The following TBC1D8 variants were observed in gnomAD, a reference collection of about 807,000 sequenced individuals.
The protein encoded by TBC1D8 is BUB2-like protein 1.
TBC1D8 carries 65 observed loss-of-function variants against 118.8 expected under a neutral mutation model. That is an observed-to-expected ratio of 0.55 (90% CI 0.45 to 0.67). The LOEUF is 0.67. TBC1D8 is among the 30% of genes least tolerant of loss of function. TBC1D8 has a pLI of 0.00. For missense variants in TBC1D8, 1,376 were observed against 1,471.2 expected (o/e 0.94, Z 1.06); for synonymous variants, 566 against 595.8 (o/e 0.95, Z 0.73).
At chr2:101,112,904 T>G (rs1240385468) in intron 1 of TBC1D8, among the ~76,000 whole-genome samples, 1 of 152,176 alleles carries the variant, frequency 6.6e-6, no homozygotes, top group Non-Finnish European at 1.5e-5. Flanking sequence ...AAAAGAACCC[T>G]TGCTGAAACA....
intron 10 of TBC1D8, 167 bp downstream of exon 10, chr2:101,033,377 C>T (rs768148929): frequency 2.5e-6 from 2 of 793,936 alleles, no homozygotes. Flanking sequence ...GATGAGTAGT[C>T]CCTTTGGCCC....
intron 3 of TBC1D8, 135 bp downstream of exon 3, chr2:101,059,286 G>T: frequency 2.5e-4 from 120 of 482,482 alleles, no homozygotes; most frequent in East Asian, 5.4e-4. Context: ...GGTGATAAAT[G>T]AAACTTATTT....
At position 101,103,293 on chromosome 2, in the gene TBC1D8, C is replaced by CA. The variant is rs919568438; in HGVS notation, c.128-12930dup. On this transcript the variant is annotated intron_variant, in intron 1 of 19. Transcript: ENST00000409318. ...TCAATTGATACACAAAAAATGTTGACAAAATCCAACATCCATTCATGATTT... is the reference window on the plus strand; with the variant it reads ...TCAATTGATACACAAAAAATGTTGACAAAAATCCAACATCCATTCATGATTT... Among the ~76,000 whole-genome samples the CA allele has an allele frequency of 3.6e-4, 32 of 89,426 alleles. 1 individual carries two copies. The highest frequency in any genetic ancestry group is 1.3e-4 in the Admixed American group (1 of 7,450). The allele number at this position is 89,426 out of a possible 152,430, so 58.7% of individuals were successfully genotyped here.
chr2:101,019,528 A>G (rs981809258), intron 17 of TBC1D8: 6 of 153,012 alleles, frequency 3.9e-5, no homozygotes, highest in African/African-American at 1.4e-4. Context: ...AGGCTTTTTT[A>G]ACTGCATCAA....
At position 101,089,953 on chromosome 2, in the gene TBC1D8, G is replaced by GGAAAA. The variant is rs1675910525; in HGVS notation, c.283+255_283+256insTTTTC. ...AAAAAAAAAAAAAAAAGATGGGAGG[G>GGAAAA]GAAAGCAAGGGTTGAGAGGGAGGGG... On this transcript the variant is annotated intron_variant, in intron 2 of 19. Coordinates refer to ENST00000409318, the MANE Select transcript of TBC1D8 (RefSeq NM_001330348.2). Among the ~76,000 whole-genome samples, 3 of 150,634 alleles carry GGAAAA rather than the reference G, an allele frequency of 2.0e-5. No homozygotes were observed. In the South Asian group the frequency reaches 6.3e-4, roughly 32 times the overall value.
chr2:101,135,176 A>G (rs1381449408), intron 1 of TBC1D8, among the ~76,000 whole-genome samples: 1 of 152,230 alleles, frequency 6.6e-6, no homozygotes, highest in Non-Finnish European at 1.5e-5. Flanking sequence ...CGTCTCAAAA[A>G]AAGAAAAAAG....
chr2:101,055,415 A>T (rs1210979547), intron 3 of TBC1D8, among the ~76,000 whole-genome samples: 2 of 152,054 alleles, frequency 1.3e-5, no homozygotes, highest in Non-Finnish European at 2.9e-5. Flanking sequence ...AGAAAAACTC[A>T]TGAAGATCTT....
At chr2:101,034,874 A>G (rs1680904273) in intron 9 of TBC1D8, among the ~76,000 whole-genome samples, 2 of 152,196 alleles carry the variant, frequency 1.3e-5, no homozygotes, top group African/African-American at 4.8e-5. Flanking sequence ...TCTGGAAGTT[A>G]GCTGCAGAAG....
intron 14 of TBC1D8, 70 bp from the exon 15 acceptor site, chr2:101,027,521 G>T: frequency 7.1e-7 from 1 of 1,418,152 alleles, no homozygotes; most frequent in African/African-American, 1.4e-5. Context: ...GGCAAGAGGG[G>T]ACTCTTCCTC....
chr2:101,010,529 C>T (rs564944945), intron 19 of TBC1D8, among the ~76,000 whole-genome samples: 3 of 151,942 alleles, frequency 2.0e-5, no homozygotes, highest in Non-Finnish European at 2.9e-5. Flanking sequence ...TGATGTTCCG[C>T]TACCTGGACT....
intron 2 of TBC1D8, among the ~76,000 whole-genome samples, chr2:101,084,241 A>C (rs1207311446): frequency 6.6e-6 from 1 of 152,160 alleles, no homozygotes; most frequent in Non-Finnish European, 1.5e-5. Flanking sequence ...GGCAATAAAC[A>C]CAAAATGCAT....
chr2:101,040,697 T>C (rs1342338712), intron 5 of TBC1D8, among the ~76,000 whole-genome samples: 1 of 152,106 alleles, frequency 6.6e-6, no homozygotes, highest in South Asian at 2.1e-4. Context: ...CTCAAATTCC[T>C]GACCTCAGGT....
chr2:101,037,391 A>T, intron 8 of TBC1D8, 141 bp downstream of exon 8: 2 of 1,232,970 alleles, frequency 1.6e-6, no homozygotes, highest in Non-Finnish European at 1.1e-6. Flanking sequence ...GTCACTTTTC[A>T]CCCATGAGAA....
intron 2 of TBC1D8, among the ~76,000 whole-genome samples, chr2:101,080,050 T>C (rs892037829): frequency 4.6e-5 from 7 of 152,114 alleles, no homozygotes; most frequent in Non-Finnish European, 1.0e-4. Flanking sequence ...TTACTAGATC[T>C]ACAAGTTAGA....
In TBC1D8 at chr2:101,020,812, G is replaced by A. The variant is rs192968879; in HGVS notation, c.2827+869C>T. Among the ~76,000 whole-genome samples, 14 of 152,282 alleles carry A rather than the reference G, an allele frequency of 9.2e-5. No homozygotes were observed. In the South Asian group the frequency reaches 2.5e-3, roughly 27 times the overall value. On this transcript the variant is annotated intron_variant, in intron 17 of 19. Transcript: ENST00000409318. ...TGTTCCACTCCATCCCAGGCCAGAC[G>A]TGAATCCTCCCTTTGTCCAGTATCT...
intron 1 of TBC1D8, among the ~76,000 whole-genome samples, chr2:101,134,570 G>A (rs1168449175): frequency 6.6e-6 from 1 of 152,120 alleles, no homozygotes; most frequent in Non-Finnish European, 1.5e-5. Context: ...TTCTTGGCTT[G>A]CAGACAGCCA....
intron 1 of TBC1D8, among the ~76,000 whole-genome samples, chr2:101,102,216 G>A (rs1302640321): frequency 5.3e-5 from 8 of 152,196 alleles, no homozygotes; most frequent in Non-Finnish European, 1.2e-4. Flanking sequence ...TACTTTGGGA[G>A]GCTGAGGCAG....
At chr2:101,104,586 T>C (rs1677074531) in intron 1 of TBC1D8, among the ~76,000 whole-genome samples, 1 of 152,348 alleles carries the variant, frequency 6.6e-6, no homozygotes, top group South Asian at 2.1e-4. Flanking sequence ...AGAAGGACAG[T>C]CTTTTCAACA....
chr2:101,037,215 G>A (rs998942775), intron 8 of TBC1D8, among the ~76,000 whole-genome samples: 2 of 152,192 alleles, frequency 1.3e-5, no homozygotes, highest in Admixed American at 6.5e-5. Flanking sequence ...GCTATAACGC[G>A]GGGCACACAG....
Sources: allele counts gnomAD v4.1 joint callset (sites outside exome capture counted in the v4.1 genomes callset), GRCh38; gene constraint gnomAD v4.1.1; transcripts MANE v1.5; gene names NCBI Gene and HGNC (gene_info 2026-07-23, HGNC 2026-07-21).